Variants in DCAF8 observed in about 807,000 individuals in gnomAD.
DCAF8 encodes the protein DDB1- and CUL4-associated factor 8.
A neutral mutation model predicts 68.0 loss-of-function variants in DCAF8; 20 were observed. The observed-to-expected ratio is 0.29, with a 90% CI of 0.21 to 0.43. DCAF8 has a LOEUF of 0.43. Ranked by LOEUF, DCAF8 falls within the 20% of genes least tolerant of loss-of-function variation. The pLI is 1.00. For synonymous variants in DCAF8, 230 were observed against 276.9 expected, an observed-to-expected ratio of 0.83 and a Z score of 1.68; for missense variants, 460 against 771.0, an observed-to-expected ratio of 0.60 and a Z score of 4.78.
chr1:160,253,385 C>T lies in DCAF8; in HGVS notation c.-27+7900G>A, dbSNP rs1351622733. ...CGCACAGTGGCTGACGTCTAAGTGA[C>T]GCTGGTAATCCCAGCACTTTGGGAG... On this transcript the variant is annotated intron_variant, in intron 2 of 13. Transcript: ENST00000368074. Among the ~76,000 whole-genome samples, 4 of 151,764 alleles carry T rather than the reference C, an allele frequency of 2.6e-5. No individual in the cohort carries two copies. In the East Asian group the frequency reaches 5.8e-4, roughly 22 times the overall value.
chr1:160,260,969 A>G (rs1177738081), intron 2 of DCAF8, among the ~76,000 whole-genome samples: 1 of 152,242 alleles, frequency 6.6e-6, no homozygotes, highest in Non-Finnish European at 1.5e-5. Flanking sequence ...CAACGTAAAA[A>G]ATATGATCGA....
chr1:160,225,599 G>A lies in DCAF8; in HGVS notation c.1135C>T (p.His379Tyr). 1.2e-6 allele frequency: 2 copies of A among 1,612,906 alleles called. No homozygotes were observed. Among genetic ancestry groups the A allele is most frequent in the South Asian group, 1.1e-5 (1 of 90,986 alleles). Reference protein sequence around the residue: ...NNGVLKKFCPHHLVNSESKAN... With the variant: ...NNGVLKKFCPYHLVNSESKAN... The stretch of plus-strand genomic sequence containing the variant: ...CCCTTCATGAATCTTACCAGGTGAT[G>A]AGGACAGAACTTCTTGAGTACTCCA... The change falls in exon 8 of 14, where the codon CAT (histidine) becomes TAT (tyrosine). Residue 379 changes from histidine to tyrosine, a missense_variant. Transcript: ENST00000368074.
chr1:160,224,561 A>G lies in DCAF8; in HGVS notation c.1202-12T>C. ...ACTGGCCAGGAGCTCTGCCAAGAAC[A>G]AGAACATAGCAGTGAAGGCAAAGGC... On this transcript the variant is annotated splice_polypyrimidine_tract_variant and intron_variant, in intron 9 of 13. Coordinates refer to ENST00000368074, the MANE Select transcript of DCAF8 (RefSeq NM_015726.4). 1 of 1,606,466 alleles carries G rather than the reference A, an allele frequency of 6.2e-7. No individual in the cohort carries two copies. Among genetic ancestry groups the G allele is most frequent in the Non-Finnish European group, 8.5e-7 (1 of 1,173,044 alleles).
chr1:160,252,585 T>G (rs527981831), intron 2 of DCAF8, among the ~76,000 whole-genome samples: 9 of 152,238 alleles, frequency 5.9e-5, no homozygotes, highest in African/African-American at 1.9e-4. Flanking sequence ...GGGCAGGCAG[T>G]CAGGCATCAG....
intron 7 of DCAF8, among the ~76,000 whole-genome samples, chr1:160,227,970 C>T (rs1655534518): frequency 6.6e-6 from 1 of 152,110 alleles, no homozygotes; most frequent in South Asian, 2.1e-4. Context: ...TCACAGCTCA[C>T]TGTAGCCTCA....
At chr1:160,217,960 A>G in intron 13 of DCAF8, 1 of 511,520 alleles carries the variant, frequency 2.0e-6, no homozygotes, top group Non-Finnish European at 3.4e-6. Context: ...TTTATTTACA[A>G]AAACCAGCAG....
chr1:160,248,963 G>A lies in DCAF8; in HGVS notation c.-26-4929C>T, dbSNP rs560789887. Among the ~76,000 whole-genome samples the A allele has an allele frequency of 3.2e-4, 48 of 151,552 alleles. 1 individual carries two copies. The highest frequency in any genetic ancestry group is 2.2e-3 in the Admixed American group (33 of 15,228). On this transcript the variant is annotated intron_variant, in intron 2 of 13. Coordinates refer to ENST00000368074, the MANE Select transcript of DCAF8 (RefSeq NM_015726.4). ...TCCCAGCACTTTGGGAGGCTGAGGCGGGCAGATCACCTGAGGTCAGGAATT... is the reference window on the plus strand; with the variant it reads ...TCCCAGCACTTTGGGAGGCTGAGGCAGGCAGATCACCTGAGGTCAGGAATT...
intron 2 of DCAF8, among the ~76,000 whole-genome samples, chr1:160,248,443 C>T (rs571715438): frequency 1.3e-5 from 2 of 152,052 alleles, no homozygotes; most frequent in East Asian, 3.9e-4. Flanking sequence ...AAAACTGTCG[C>T]AACAGGCTGG....
rs754739478 is a variant in DCAF8, at chr1:160,239,585, C to T, written c.723+112G>A. On this transcript the variant is annotated intron_variant, in intron 4 of 13. Coordinates refer to ENST00000368074, the MANE Select transcript of DCAF8 (RefSeq NM_015726.4). ...GGGGAGCCAAAGTAGGGCCATGTCC[C>T]GATATGTAATTCCTACAATAACTCA... 1.0e-5 allele frequency: 16 copies of T among 1,606,196 alleles called. No individual in the cohort carries two copies. In the South Asian group the frequency reaches 1.5e-4, roughly 16 times the overall value.
chr1:160,259,291 T>G (rs1285281087), intron 2 of DCAF8, among the ~76,000 whole-genome samples: 2 of 152,148 alleles, frequency 1.3e-5, no homozygotes, highest in Admixed American at 1.3e-4. Context: ...TCCTAGCACT[T>G]TGGGAGGCTG....
intron 4 of DCAF8, chr1:160,239,084 T>G: frequency 1.2e-6 from 1 of 820,178 alleles, no homozygotes; most frequent in Non-Finnish European, 1.5e-6. Context: ...AAAGTAAATA[T>G]AAATTTGCTA....
intron 6 of DCAF8, 109 bp from the exon 7 acceptor site, chr1:160,231,516 T>G: frequency 1.4e-6 from 1 of 727,886 alleles, no homozygotes; most frequent in Non-Finnish European, 2.3e-6. Context: ...AAAGAGATTC[T>G]CATTTGGAAA....
At chr1:160,230,382 G>A (rs1655636270) in intron 7 of DCAF8, among the ~76,000 whole-genome samples, 1 of 152,148 alleles carries the variant, frequency 6.6e-6, no homozygotes, top group Non-Finnish European at 1.5e-5. Flanking sequence ...ACTGGATAGG[G>A]ATGGATACAG....
At chr1:160,235,764 A>T (rs1237486938) in intron 6 of DCAF8, among the ~76,000 whole-genome samples, 1 of 148,644 alleles carries the variant, frequency 6.7e-6, no homozygotes, top group Admixed American at 6.7e-5. Context: ...TCTGAGATGG[A>T]GTTTTGCTCC....
intron 5 of DCAF8, among the ~76,000 whole-genome samples, chr1:160,238,292 A>G (rs937598142): frequency 6.6e-6 from 1 of 152,240 alleles, no homozygotes; most frequent in Non-Finnish European, 1.5e-5. Flanking sequence ...AACTGTCAAA[A>G]TACCCTAAAA....
intron 5 of DCAF8, 109 bp from the exon 6 acceptor site, chr1:160,237,338 A>G: frequency 1.4e-6 from 1 of 720,842 alleles, no homozygotes; most frequent in South Asian, 1.9e-5. Flanking sequence ...TTCCAAAAAG[A>G]GAAATGTCTA....
At chr1:160,250,559 A>C (rs796325294) in intron 2 of DCAF8, among the ~76,000 whole-genome samples, 3 of 152,276 alleles carry the variant, frequency 2.0e-5, no homozygotes, top group African/African-American at 7.2e-5. Flanking sequence ...AAAACACTAA[A>C]TTCTCAAGGC....
chr1:160,223,097 A>G (rs950264379), intron 10 of DCAF8, among the ~76,000 whole-genome samples: 4 of 152,196 alleles, frequency 2.6e-5, no homozygotes, highest in African/African-American at 9.7e-5. Context: ...GCCTACTCTT[A>G]GGCAGCACTG....
In DCAF8 at chr1:160,222,773, C is replaced by T. The variant is rs762593998; in HGVS notation, c.1318G>A (p.Val440Ile). 6.2e-6 allele frequency: 10 copies of T among 1,614,092 alleles called. No individual in the cohort carries two copies. The highest frequency in any genetic ancestry group is 1.7e-5 in the Admixed American group (1 of 60,016). ...GHRNNATVKG[V>I]NFYGPKSEFV... is the part of the protein sequence containing the mutation. ...TCACTCTTGGGGCCATAGAAATTGA[C>T]GCCTTTTACTGAAATGATAAATGAG... The change falls in exon 11 of 14, where the codon GTC (valine) becomes ATC (isoleucine). Residue 440 changes from valine (V) to isoleucine (I), a missense_variant. By Grantham distance (29) the Val-to-Ile change is conservative (BLOSUM62 3). This residue lies in a region of DCAF8 where 30 missense variants were observed against 69.6 expected (regional missense o/e 0.43). Coordinates refer to ENST00000368074, the MANE Select transcript of DCAF8 (RefSeq NM_015726.4).
Sources: allele counts gnomAD v4.1 joint callset (sites outside exome capture counted in the v4.1 genomes callset), GRCh38; gene constraint gnomAD v4.1.1; regional missense constraint gnomAD v4.1.1; transcripts MANE v1.5; gene names NCBI Gene and HGNC (gene_info 2026-07-23, HGNC 2026-07-21).